The following CLNK variants were observed in gnomAD, a reference collection of about 807,000 sequenced individuals.
CLNK encodes cytokine dependent hematopoietic cell linker.
A neutral mutation model predicts 68.6 loss-of-function variants in CLNK; 74 were observed. That is an observed-to-expected ratio of 1.08 (90% CI 0.89 to 1.31). CLNK has a LOEUF of 1.31. CLNK is among the 50% of genes most tolerant of loss of function. The pLI is 0.00. For synonymous variants in CLNK, 198 were observed against 172.2 expected (o/e 1.15, Z -1.17); for missense variants, 553 against 515.3 (o/e 1.07, Z -0.71).
At chr4:10,700,020 G>GTGTGTGTGTGTC in the CLNK span, among the ~76,000 whole-genome samples, 1 of 151,592 alleles carries the variant, frequency 6.6e-6, no homozygotes, top group South Asian at 2.1e-4. Context: ...GTGTGTGTGT[G>GTGTGTGTGTGTC]TGTGTGTATA....
chr4:10,694,169 A>G, the CLNK span, among the ~76,000 whole-genome samples: 1 of 151,660 alleles, frequency 6.6e-6, no homozygotes, highest in Non-Finnish European at 1.5e-5. Flanking sequence ...AGAAGCACCA[A>G]TGACATAAGT....
At chr4:10,728,699 C>T in the CLNK span, among the ~76,000 whole-genome samples, 1 of 151,424 alleles carries the variant, frequency 6.6e-6, no homozygotes, top group Non-Finnish European at 1.5e-5. Flanking sequence ...CACTGTTCTC[C>T]TGCCTCAGCC....
the CLNK span, among the ~76,000 whole-genome samples, chr4:10,709,426 C>T: frequency 2.6e-5 from 4 of 152,148 alleles, no homozygotes; most frequent in African/African-American, 4.8e-5. Flanking sequence ...GACAAAGTCT[C>T]GTGGAAGTTA....
intron 1 of CLNK, among the ~76,000 whole-genome samples, chr4:10,677,147 A>G (rs116092313): frequency 7.8e-4 from 119 of 152,290 alleles, no homozygotes; most frequent in Non-Finnish European, 1.3e-3. Context: ...GAAAAAAAGT[A>G]TAAGAAAATA....
intron 4 of CLNK, among the ~76,000 whole-genome samples, chr4:10,573,732 T>A (rs1248324904): frequency 1.3e-5 from 2 of 152,178 alleles, no homozygotes; most frequent in Non-Finnish European, 2.9e-5. Context: ...TACTGACATC[T>A]TCTTGGGGAG....
chr4:10,577,782 A>T (rs1720624078), intron 4 of CLNK, among the ~76,000 whole-genome samples: 1 of 151,424 alleles, frequency 6.6e-6, no homozygotes, highest in African/African-American at 2.4e-5. Flanking sequence ...GACTTACATA[A>T]GAAAAAAAAA....
At chr4:10,699,761 G>T in the CLNK span, among the ~76,000 whole-genome samples, 1 of 151,156 alleles carries the variant, frequency 6.6e-6, no homozygotes, top group Non-Finnish European at 1.5e-5. Flanking sequence ...TGATCCATCC[G>T]CCTCAGCCTC....
chr4:10,560,355 C>G (rs887354393), intron 7 of CLNK, among the ~76,000 whole-genome samples: 5 of 152,202 alleles, frequency 3.3e-5, no homozygotes, highest in African/African-American at 1.2e-4. Context: ...TGTCAAGACC[C>G]ACCTAAGGGG....
chr4:10,659,618 T>TC lies in CLNK; in HGVS notation c.11+8240dup, dbSNP rs1199333467. Among the ~76,000 whole-genome samples the TC allele has an allele frequency of 3.9e-5, 6 of 152,156 alleles. No homozygotes were observed. In the East Asian group the frequency reaches 9.7e-4, roughly 25 times the overall value. ...TTCTAACCTCTCTCAGAAAAAATCC[T>TC]CCCCACCCCCATAAAAAATACAGAG... On this transcript the variant is annotated intron_variant, in intron 2 of 18. Transcript: ENST00000226951.
intron 17 of CLNK, among the ~76,000 whole-genome samples, chr4:10,502,690 A>G (rs1717104592): frequency 6.6e-6 from 1 of 152,070 alleles, no homozygotes; most frequent in Non-Finnish European, 1.5e-5. Context: ...TCTATGCAGA[A>G]TTAGGGTTCC....
chr4:10,709,108 G>T, the CLNK span, among the ~76,000 whole-genome samples: 6 of 152,132 alleles, frequency 3.9e-5, no homozygotes, highest in African/African-American at 1.4e-4. Context: ...GCAGATAGTG[G>T]TATGGTATCA....
chr4:10,608,983 T>C (rs893909951), intron 2 of CLNK, among the ~76,000 whole-genome samples: 2 of 152,232 alleles, frequency 1.3e-5, no homozygotes, highest in Admixed American at 6.5e-5. Flanking sequence ...ATCTCATTCA[T>C]GAGGGCCTCA....
intron 4 of CLNK, among the ~76,000 whole-genome samples, chr4:10,572,300 G>T (rs1362917584): frequency 1.3e-5 from 2 of 152,208 alleles, no homozygotes; most frequent in Non-Finnish European, 2.9e-5. Context: ...ATAAGACCCC[G>T]TATTGAACAA....
intron 1 of CLNK, among the ~76,000 whole-genome samples, chr4:10,669,920 C>T (rs1390623015): frequency 6.6e-6 from 1 of 152,108 alleles, no homozygotes; most frequent in Non-Finnish European, 1.5e-5. Flanking sequence ...GGGAAGGGGA[C>T]TTGAACTTTC....
At chr4:10,572,073 A>G (rs1684305538) in intron 4 of CLNK, among the ~76,000 whole-genome samples, 1 of 152,236 alleles carries the variant, frequency 6.6e-6, no homozygotes, top group Non-Finnish European at 1.5e-5. Flanking sequence ...TGCTAGAGAA[A>G]CATAATATGA....
Position 10,637,404 on chromosome 4 carries a change from A to G in CLNK, c.11+30455T>C, listed in dbSNP as rs369486843. On this transcript the variant is annotated intron_variant, in intron 2 of 18. Coordinates refer to ENST00000226951, the MANE Select transcript of CLNK (RefSeq NM_052964.4). Reference sequence around the variant, plus strand: ...ACAAAAAGCTTTGTGAGAACAAAAAATAGACCTTTATGTGATAAGCAACAA... The same window carrying G: ...ACAAAAAGCTTTGTGAGAACAAAAAGTAGACCTTTATGTGATAAGCAACAA... Among the ~76,000 whole-genome samples the G allele has an allele frequency of 1.1e-4, 17 of 151,410 alleles. No homozygotes were observed. In the South Asian group the frequency reaches 3.4e-3, roughly 30 times the overall value.
the CLNK span, among the ~76,000 whole-genome samples, chr4:10,691,490 C>A: frequency 6.6e-6 from 1 of 152,050 alleles, no homozygotes; most frequent in Non-Finnish European, 1.5e-5. Flanking sequence ...TTTTCCAGCT[C>A]AGCATAGCTA....
chr4:10,495,852 C>T (rs1716790392), intron 18 of CLNK, among the ~76,000 whole-genome samples: 1 of 151,912 alleles, frequency 6.6e-6, no homozygotes, highest in African/African-American at 2.4e-5. Flanking sequence ...GAGAAGGTCA[C>T]GTGATCATAG....
At chr4:10,689,158 C>T (rs765848662), upstream of CLNK, among the ~76,000 whole-genome samples, 13 of 150,994 alleles carry the variant, frequency 8.6e-5, no homozygotes, top group Non-Finnish European at 1.5e-4. Context: ...TCGGGGGCGA[C>T]GAGGTCTTAC....
Sources: gnomAD v4.1 joint callset for allele counts (sites outside exome capture counted in the v4.1 genomes callset) on GRCh38, gnomAD v4.1.1 for gene constraint, MANE v1.5 for transcripts, NCBI Gene and HGNC (gene_info 2026-07-23, HGNC 2026-07-21) for gene names.